The following SEM1 variants were observed in gnomAD, a reference collection of about 807,000 sequenced individuals.
The protein encoded by SEM1 is 26S proteasome complex subunit SEM1.
In SEM1, 3 loss-of-function variants were observed where a neutral mutation model predicts 12.7. The observed-to-expected ratio is 0.24, with a 90% CI of 0.11 to 0.61. SEM1 has a LOEUF of 0.61. SEM1 is among the 20% of genes least tolerant of loss of function. The pLI is 0.88. For missense variants in SEM1, 59 were observed against 81.3 expected (o/e 0.73, Z 1.06); for synonymous variants, 30 against 27.8 (o/e 1.08, Z -0.25).
chr7:96,645,851 A>G (rs1222562984), intron 2 of SEM1: 2 of 398,340 alleles, frequency 5.0e-6, no homozygotes, highest in African/African-American at 4.1e-5. Context: ...GAGTTAATGA[A>G]GGCCTGGACT....
chr7:96,657,225 G>C (rs1328392053), intron 2 of SEM1, among the ~76,000 whole-genome samples: 1 of 152,184 alleles, frequency 6.6e-6, no homozygotes, highest in African/African-American at 2.4e-5. Flanking sequence ...ACTATCTCAG[G>C]ATTATGGAAA....
intron 2 of SEM1, among the ~76,000 whole-genome samples, chr7:96,585,207 G>A (rs1293666959): frequency 6.6e-6 from 1 of 152,186 alleles, no homozygotes; most frequent in Non-Finnish European, 1.5e-5. Flanking sequence ...CTCAGCTGCA[G>A]GTCTGTTGGA....
At chr7:96,531,742 T>TA (rs1804649970) in intron 2 of SEM1, among the ~76,000 whole-genome samples, 2 of 152,134 alleles carry the variant, frequency 1.3e-5, no homozygotes, top group African/African-American at 4.8e-5. Flanking sequence ...AAAGAAATTT[T>TA]AACATTTACC....
chr7:96,538,338 A>C (rs770874655), intron 2 of SEM1, among the ~76,000 whole-genome samples: 4 of 151,782 alleles, frequency 2.6e-5, no homozygotes, highest in Non-Finnish European at 5.9e-5. Flanking sequence ...GTCTCTTCAG[A>C]CTATGTTTGC....
intron 1 of SEM1, among the ~76,000 whole-genome samples, chr7:96,702,415 A>G (rs12704870): frequency 0.34 from 52,103 of 152,074 alleles, 10,337 homozygotes; most frequent in East Asian, 0.67. Context: ...CTGATTTCAC[A>G]TATAAAATTA....
At chr7:96,574,181 T>C (rs541207705) in intron 2 of SEM1, among the ~76,000 whole-genome samples, 58 of 152,106 alleles carry the variant, frequency 3.8e-4, no homozygotes, top group Admixed American at 1.1e-3. Flanking sequence ...TGAGAACATG[T>C]GGTGTTTGGT....
At chr7:96,686,353 T>C (rs560037908), downstream of SEM1, among the ~76,000 whole-genome samples, 1 of 152,142 alleles carries the variant, frequency 6.6e-6, no homozygotes, top group Non-Finnish European at 1.5e-5. Context: ...GACAAAACAC[T>C]GGATAACTAC....
intron 2 of SEM1, among the ~76,000 whole-genome samples, chr7:96,628,001 C>G (rs967107011): frequency 2.6e-5 from 4 of 151,980 alleles, no homozygotes; most frequent in African/African-American, 9.7e-5. Flanking sequence ...GCTAAATTGA[C>G]CCCTTTATCA....
At chr7:96,554,433 T>C (rs1805408385) in intron 2 of SEM1, among the ~76,000 whole-genome samples, 2 of 139,458 alleles carry the variant, frequency 1.4e-5, no homozygotes, top group African/African-American at 5.3e-5. Flanking sequence ...CAAAGGCTTT[T>C]TCTGCATCTA....
At chr7:96,522,857 C>T (rs1295085598) in intron 2 of SEM1, among the ~76,000 whole-genome samples, 1 of 143,512 alleles carries the variant, frequency 7.0e-6, no homozygotes, top group Non-Finnish European at 1.5e-5. Flanking sequence ...CATCATTGCA[C>T]TCCAGCCTGG....
intron 2 of SEM1, among the ~76,000 whole-genome samples, chr7:96,555,742 C>A (rs1584760141): frequency 7.0e-6 from 1 of 142,342 alleles, no homozygotes; most frequent in African/African-American, 2.6e-5. Context: ...TCCTGGGTAT[C>A]CTTGTTGACT....
intron 1 of SEM1, among the ~76,000 whole-genome samples, chr7:96,491,674 C>G (rs149843509): frequency 6.6e-6 from 1 of 152,220 alleles, no homozygotes; most frequent in African/African-American, 2.4e-5. Context: ...AAAGGGGTGC[C>G]CTTCCTGCAT....
intron 2 of SEM1, among the ~76,000 whole-genome samples, chr7:96,610,527 T>A (rs1380888564): frequency 6.6e-6 from 1 of 152,242 alleles, no homozygotes; most frequent in Non-Finnish European, 1.5e-5. Context: ...CCTGCTGTGC[T>A]CAAATATCTG....
At chr7:96,684,854 T>C (rs1375734828), downstream of SEM1, among the ~76,000 whole-genome samples, 1 of 151,994 alleles carries the variant, frequency 6.6e-6, no homozygotes, top group Non-Finnish European at 1.5e-5. Context: ...ACATGTGGAA[T>C]TGGTTTAAAA....
intron 2 of SEM1, among the ~76,000 whole-genome samples, chr7:96,680,299 T>G (rs1018047068): frequency 6.6e-6 from 1 of 152,080 alleles, no homozygotes; most frequent in African/African-American, 2.4e-5. Context: ...CTTATCTCTA[T>G]TCTAAGTTGC....
downstream of SEM1, among the ~76,000 whole-genome samples, chr7:96,618,125 A>T (rs1474232127): frequency 6.6e-6 from 1 of 152,206 alleles, no homozygotes; most frequent in Non-Finnish European, 1.5e-5. Flanking sequence ...TATGTTTGAT[A>T]GAATTCAGCT....
At chr7:96,676,754 C>T (rs1252044258) in intron 2 of SEM1, among the ~76,000 whole-genome samples, 3 of 152,114 alleles carry the variant, frequency 2.0e-5, no homozygotes, top group East Asian at 1.9e-4. Context: ...CAAATTTATA[C>T]AGAGGATCTA....
At chr7:96,496,130 A>G (rs1257781953) in intron 1 of SEM1, among the ~76,000 whole-genome samples, 1 of 152,200 alleles carries the variant, frequency 6.6e-6, no homozygotes, top group Non-Finnish European at 1.5e-5. Context: ...AAGCATCAGA[A>G]TACCCAGAGC....
chr7:96,665,334 G>A (rs973462258), intron 2 of SEM1, among the ~76,000 whole-genome samples: 4 of 152,156 alleles, frequency 2.6e-5, no homozygotes. Context: ...TTTCAGGGGA[G>A]GGAAGAGATA....
Sources: gnomAD v4.1 joint callset for allele counts (sites outside exome capture counted in the v4.1 genomes callset) on GRCh38, gnomAD v4.1.1 for gene constraint, MANE v1.5 for transcripts, NCBI Gene and HGNC (gene_info 2026-07-23, HGNC 2026-07-21) for gene names.